The following ZNF768 variants were observed in gnomAD, a reference collection of about 807,000 sequenced individuals.
The protein encoded by ZNF768 is zinc finger protein 768.
Under a neutral mutation model 39.7 loss-of-function variants are expected in ZNF768, and 12 were observed. The ratio of observed to expected loss-of-function variants is 0.30; its 90% CI spans 0.19 to 0.49. The LOEUF (loss-of-function observed/expected upper bound fraction) is 0.49, where lower values mean the gene tolerates loss of function less well. Ranked by LOEUF, ZNF768 falls within the 20% of genes least tolerant of loss-of-function variation. ZNF768 has a pLI of 0.99. For missense variants in ZNF768, 613 were observed against 723.2 expected, an observed-to-expected ratio of 0.85 and a Z score of 1.75; for synonymous variants, 360 against 288.4, an observed-to-expected ratio of 1.25 and a Z score of -2.52.
upstream of ZNF768, chr16:30,528,383 C>G (rs2051345681): frequency 6.6e-6 from 1 of 152,212 alleles, no homozygotes; most frequent in South Asian, 2.1e-4. Flanking sequence ...GAAACCCCGT[C>G]TCTACTAAAA....
Position 30,524,787 on chromosome 16 carries a change from G to A in ZNF768, c.1353C>T (p.His451=), listed in dbSNP as rs1037970826. The A allele has an allele frequency of 5.0e-6, 8 of 1,611,488 alleles. No individual in the cohort carries two copies. The highest frequency in any genetic ancestry group is 6.8e-6 in the Non-Finnish European group (8 of 1,179,628). ...SSVLAIHART[H]LPGRTYSCPD... is the part of the protein sequence containing the mutation. Reference sequence around the variant, plus strand: ...GGCAGCTGTAGGTGCGGCCTGGCAGGTGGGTGCGGGCGTGGATGGCCAGCA... The same window carrying A: ...GGCAGCTGTAGGTGCGGCCTGGCAGATGGGTGCGGGCGTGGATGGCCAGCA... Residue 451 remains histidine (H), a synonymous_variant, in exon 2 of 2, where the codon CAC becomes CAT. Transcript: ENST00000380412.
chr16:30,527,120 C>G, upstream of ZNF768: 1 of 985,384 alleles, frequency 1.0e-6, no homozygotes, highest in Non-Finnish European at 1.2e-6. Context: ...CGCTTCCCGG[C>G]GCCAGCGGGG....
upstream of ZNF768, among the ~76,000 whole-genome samples, chr16:30,529,009 A>G (rs996265015): frequency 1.3e-5 from 2 of 152,230 alleles, no homozygotes; most frequent in African/African-American, 4.8e-5. Flanking sequence ...AGCTGGGCCA[A>G]GACTTCATGC....
upstream of ZNF768, chr16:30,526,754 G>A: frequency 3.3e-5 from 3 of 90,506 alleles, no homozygotes; most frequent in Non-Finnish European, 4.3e-5. Flanking sequence ...TCTGGACCCC[G>A]GCCCCGGGCT....
At chr16:30,532,453 C>T in the ZNF768 span, 1 of 1,557,194 alleles carries the variant, frequency 6.4e-7, no homozygotes, top group Admixed American at 1.9e-5. Flanking sequence ...GCCCCTGAGC[C>T]CATCTCGGGC....
chr16:30,526,721 CG>C, upstream of ZNF768: 2 of 797,798 alleles, frequency 2.5e-6, no homozygotes, highest in Non-Finnish European at 3.0e-6. Context: ...CCCCGGCCCC[CG>C]CTCCCGCCCG....
At chr16:30,531,108 T>C (rs1035490276), upstream of ZNF768, 2 of 152,274 alleles carry the variant, frequency 1.3e-5, no homozygotes, top group African/African-American at 4.8e-5. Context: ...CAAGGACTGT[T>C]TTGACACAGA....
At chr16:30,532,292 C>T in the ZNF768 span, 1 of 632,476 alleles carries the variant, frequency 1.6e-6, no homozygotes, top group Non-Finnish European at 2.7e-6. Flanking sequence ...AGCCCTGCCT[C>T]AGCAAAGGGG....
chr16:30,529,479 A>G (rs527465563), upstream of ZNF768, among the ~76,000 whole-genome samples: 4 of 152,314 alleles, frequency 2.6e-5, no homozygotes, highest in East Asian at 7.7e-4. Context: ...GAGCTTCCGT[A>G]TGCACTGCTC....
At chr16:30,526,690 C>A (rs923265841), upstream of ZNF768, 9 of 932,694 alleles carry the variant, frequency 9.6e-6, no homozygotes, top group African/African-American at 1.6e-4. Context: ...GGATGAGGGG[C>A]TTCGCGACTA....
Position 30,525,123 on chromosome 16 carries a change from G to A in ZNF768, c.1017C>T (p.His339=), listed in dbSNP as rs1490164139. The A allele has an allele frequency of 6.2e-7, 1 of 1,614,048 alleles. No individual in the cohort carries two copies. Among genetic ancestry groups the A allele is most frequent in the African/African-American group, 1.3e-5 (1 of 74,938 alleles). ...SSYLLRHQRT[H]SGQKPYKCPH... is the part of the protein sequence containing the mutation. The stretch of plus-strand genomic sequence containing the variant: ...GGCACTTGTAGGGCTTCTGGCCAGA[G>A]TGAGTGCGCTGGTGGCGAAGCAGGT... Residue 339 remains histidine (H), a synonymous_variant, in exon 2 of 2, where the codon CAC becomes CAT. Coordinates refer to ENST00000380412, the MANE Select transcript of ZNF768 (RefSeq NM_024671.4).
At position 30,526,471 on chromosome 16, in the gene ZNF768, C is replaced by G; in HGVS notation, c.-58G>C. Reference sequence around the variant, plus strand: ...ATGGCGGCCGATCCCGCGACCCGGCCTCGGTTGCCCCGAGCCGCGGGCCCC... The same window carrying G: ...ATGGCGGCCGATCCCGCGACCCGGCGTCGGTTGCCCCGAGCCGCGGGCCCC... On this transcript the variant is annotated 5_prime_UTR_variant, in exon 1 of 2. Coordinates refer to ENST00000380412, the MANE Select transcript of ZNF768 (RefSeq NM_024671.4). 7.3e-7 allele frequency: 1 copy of G among 1,373,142 alleles called. No individual in the cohort carries two copies. Among genetic ancestry groups the G allele is most frequent in the Non-Finnish European group, 9.4e-7 (1 of 1,063,494 alleles). The allele number at this position is 1,373,142 out of a possible 1,614,324, so 85.1% of individuals were successfully genotyped here.
chr16:30,529,636 G>C (rs1161136303), upstream of ZNF768, among the ~76,000 whole-genome samples: 1 of 152,164 alleles, frequency 6.6e-6, no homozygotes, highest in Non-Finnish European at 1.5e-5. Flanking sequence ...AGAAATGGAG[G>C]TCTTTGTGTA....
upstream of ZNF768, chr16:30,530,733 C>G (rs2051363040): frequency 6.6e-6 from 1 of 152,370 alleles, no homozygotes; most frequent in Non-Finnish European, 1.5e-5. This position sits in a 1 kb window ranked among gnomAD's most constrained non-coding sequence, Gnocchi z 4.4. Context: ...TCCTTTCAGG[C>G]TGATAAATCT....
upstream of ZNF768, chr16:30,526,722 G>T: frequency 2.9e-6 from 1 of 345,248 alleles, no homozygotes; most frequent in Non-Finnish European, 3.7e-6. Context: ...CCCGGCCCCC[G>T]CTCCCGCCCG....
At chr16:30,531,694 G>A (rs1354693875), upstream of ZNF768, 1 of 152,254 alleles carries the variant, frequency 6.6e-6, no homozygotes, top group Non-Finnish European at 1.5e-5. Flanking sequence ...AGAGGCTGGG[G>A]CAGGAGGATT....
chr16:30,530,311 G>C (rs1219195996), upstream of ZNF768: 2 of 152,166 alleles, frequency 1.3e-5, no homozygotes, highest in East Asian at 3.8e-4. The surrounding 1 kb of genome is among the most constrained non-coding windows in gnomAD (Gnocchi z 4.4). Flanking sequence ...AGGAGTTGGA[G>C]CCTGGTTTCT....
At chr16:30,529,582 C>T (rs1284194273), upstream of ZNF768, among the ~76,000 whole-genome samples, 1 of 152,174 alleles carries the variant, frequency 6.6e-6, no homozygotes, top group East Asian at 1.9e-4. Flanking sequence ...CCTAAGTACC[C>T]AGGAAGACAG....
rs1274048058 is a variant in ZNF768 at position 30,524,693 on chromosome 16, G to A, written c.1447C>T (p.Arg483Trp). The change falls in exon 2 of 2, where the codon CGG becomes TGG. Residue 483 changes from arginine (R) to tryptophan (W), a missense_variant. Physicochemically the swap from Arg to Trp is moderately radical, Grantham distance 101 (BLOSUM62 -3). This residue lies in a region of ZNF768 where 204 missense variants were observed against 281.7 expected (regional missense o/e 0.72). Transcript: ENST00000380412. ...CCGCACACGGCGCACCTGTAGGGCCGCTCGCCCGTGTGGGAGCGCTGGTGC... is the reference window on the plus strand; with the variant it reads ...CCGCACACGGCGCACCTGTAGGGCCACTCGCCCGTGTGGGAGCGCTGGTGC... ...IQHQRSHTGE[R>W]PYRCAVCGKG... is the part of the protein sequence containing the mutation. 1.2e-6 allele frequency: 2 copies of A among 1,612,904 alleles called. No homozygotes were observed. Among genetic ancestry groups the A allele is most frequent in the Non-Finnish European group, 8.5e-7 (1 of 1,179,718 alleles).
Sources: allele counts gnomAD v4.1 joint callset (sites outside exome capture counted in the v4.1 genomes callset), GRCh38; gene constraint gnomAD v4.1.1; regional missense constraint gnomAD v4.1.1; non-coding constraint Gnocchi (gnomAD v3.1); transcripts MANE v1.5; gene names NCBI Gene and HGNC (gene_info 2026-07-23, HGNC 2026-07-21).